Variants in CDH17 observed in about 807,000 individuals in gnomAD.
The protein encoded by CDH17 is cadherin 17, also known as cadherin-17.
CDH17 carries 67 observed loss-of-function variants against 86.3 expected under a neutral mutation model. That is an observed-to-expected ratio of 0.78 (90% CI 0.64 to 0.95). The LOEUF (loss-of-function observed/expected upper bound fraction) is 0.95. CDH17 is among the 40% of genes least tolerant of loss of function. The pLI is 0.00. For missense variants in CDH17, 993 were observed against 1,017.6 expected, an observed-to-expected ratio of 0.98 and a Z score of 0.33; for synonymous variants, 367 against 366.4, an observed-to-expected ratio of 1.00 and a Z score of -0.02.
chr8:94,148,820 A>G lies in CDH17; in HGVS notation c.1851T>C (p.Gly617=). The change falls in exon 14 of 18, where the codon GGT becomes GGC. Residue 617 remains glycine (G), a synonymous_variant. Transcript: ENST00000027335. ...RGWLKIDHVT[G]EIFSVAPLDR... is the part of the protein sequence containing the mutation. ...CCAATGGAGCCACACTAAAGATCTC[A>G]CCAGTCACGTGGTCAATTTTAAGCC... is the stretch of plus-strand genomic sequence containing the variant. The G allele has an allele frequency of 6.2e-7, 1 of 1,606,198 alleles. No homozygotes were observed. The highest frequency in any genetic ancestry group is 8.5e-7 in the Non-Finnish European group (1 of 1,177,952).
At chr8:94,203,000 G>A in intron 1 of CDH17, 1 of 269,108 alleles carries the variant, frequency 3.7e-6, no homozygotes, top group South Asian at 3.9e-5. Context: ...AGCCTTGTTA[G>A]CTTCAGGTTT....
intron 8 of CDH17, 61 bp from the exon 9 acceptor site, chr8:94,170,608 G>A: frequency 6.5e-7 from 1 of 1,546,980 alleles, no homozygotes; most frequent in Non-Finnish European, 8.8e-7. Flanking sequence ...CAAAAGCAGA[G>A]AAAATCGTTG....
At chr8:94,174,921 T>A (rs2514816) in intron 5 of CDH17, among the ~76,000 whole-genome samples, 117,314 of 152,120 alleles carry the variant, frequency 0.77, 46,436 homozygotes, top group African/African-American at 0.92. Context: ...GTGTTATTTT[T>A]AATGAATTAA....
chr8:94,152,661 G>T (rs1200070219), intron 12 of CDH17, among the ~76,000 whole-genome samples: 2 of 150,354 alleles, frequency 1.3e-5, no homozygotes, highest in Non-Finnish European at 3.0e-5. Flanking sequence ...GCCTCCCAAA[G>T]GGCTGGGATT....
chr8:94,154,139 C>T (rs1469547428), intron 12 of CDH17, among the ~76,000 whole-genome samples: 1 of 152,150 alleles, frequency 6.6e-6, no homozygotes, highest in African/African-American at 2.4e-5. Flanking sequence ...TCCTCCTATA[C>T]AATTTTTGTC....
intron 7 of CDH17, among the ~76,000 whole-genome samples, chr8:94,173,254 G>T (rs1354133323): frequency 6.6e-6 from 1 of 152,168 alleles, no homozygotes; most frequent in African/African-American, 2.4e-5. Flanking sequence ...TATTGGAGGT[G>T]AGGCCCAGTG....
chr8:94,137,069 G>A (rs1055380878), intron 15 of CDH17, among the ~76,000 whole-genome samples: 18 of 152,208 alleles, frequency 1.2e-4, no homozygotes, highest in Non-Finnish European at 2.4e-4. Context: ...CTACTGGGAG[G>A]TGTCTCCCAA....
intron 5 of CDH17, 34 bp downstream of exon 5, chr8:94,176,507 C>T (rs1563580368): frequency 6.2e-7 from 1 of 1,610,724 alleles, no homozygotes; most frequent in Non-Finnish European, 8.5e-7. Flanking sequence ...ACCCTTCCAT[C>T]TTTCCATAAA....
chr8:94,141,008 C>T (rs1812626219), intron 15 of CDH17, among the ~76,000 whole-genome samples: 1 of 151,960 alleles, frequency 6.6e-6, no homozygotes, highest in South Asian at 2.1e-4. Flanking sequence ...GGAATGCTTC[C>T]TCATTATACA....
chr8:94,184,928 C>G (rs531227456), intron 3 of CDH17, among the ~76,000 whole-genome samples: 1 of 152,172 alleles, frequency 6.6e-6, no homozygotes, highest in South Asian at 2.1e-4. Flanking sequence ...TTCTTCATGC[C>G]TCTGTAGGTC....
At chr8:94,148,330 T>G (rs1586241399) in intron 14 of CDH17, among the ~76,000 whole-genome samples, 1 of 151,724 alleles carries the variant, frequency 6.6e-6, no homozygotes, top group Non-Finnish European at 1.5e-5. Context: ...TCACCTGAGG[T>G]CGGAAGTTTG....
upstream of CDH17, among the ~76,000 whole-genome samples, chr8:94,212,499 G>GTT (rs34678816): frequency 0.068 from 10,096 of 148,034 alleles, 374 homozygotes; most frequent in South Asian, 0.092. Flanking sequence ...CTGTTGTTGA[G>GTT]TTTTTTTTTT....
At chr8:94,133,486 G>A (rs1812460310) in intron 15 of CDH17, among the ~76,000 whole-genome samples, 1 of 152,174 alleles carries the variant, frequency 6.6e-6, no homozygotes, top group African/African-American at 2.4e-5. Flanking sequence ...AGGAACGCTT[G>A]TAATTTTTGC....
chr8:94,160,857 G>A (rs933167035), intron 11 of CDH17, among the ~76,000 whole-genome samples: 1 of 152,234 alleles, frequency 6.6e-6, no homozygotes, highest in Admixed American at 6.5e-5. Flanking sequence ...AAGGCTTGGA[G>A]AAGTAAAACC....
At chr8:94,185,306 CA>C (rs1813558936) in intron 3 of CDH17, among the ~76,000 whole-genome samples, 2 of 151,776 alleles carry the variant, frequency 1.3e-5, no homozygotes, top group African/African-American at 4.8e-5. Context: ...CACACACACA[CA>C]CACACACCCC....
intron 15 of CDH17, among the ~76,000 whole-genome samples, chr8:94,143,095 GC>G (rs1812670358): frequency 6.6e-6 from 1 of 152,202 alleles, no homozygotes; most frequent in South Asian, 2.1e-4. Context: ...CTATCTAATA[GC>G]AGCTATAACC....
chr8:94,145,731 T>A (rs932438029), intron 15 of CDH17, among the ~76,000 whole-genome samples, 197 bp downstream of exon 15: 1 of 152,164 alleles, frequency 6.6e-6, no homozygotes, highest in Non-Finnish European at 1.5e-5. Context: ...TGCTGTGTGG[T>A]CATAATCTTT....
intron 1 of CDH17, among the ~76,000 whole-genome samples, chr8:94,201,637 TCTG>T (rs766847995): frequency 1.3e-4 from 20 of 152,206 alleles, no homozygotes; most frequent in Non-Finnish European, 2.6e-4. Context: ...ATGGTAAATA[TCTG>T]CTGTTTAAGC....
At chr8:94,186,469 T>C (rs1017664871) in intron 3 of CDH17, among the ~76,000 whole-genome samples, 1 of 152,144 alleles carries the variant, frequency 6.6e-6, no homozygotes, top group Non-Finnish European at 1.5e-5. Flanking sequence ...CTTTCATGTG[T>C]CCTTACATGG....
Sources: gnomAD v4.1 joint callset for allele counts (sites outside exome capture counted in the v4.1 genomes callset) on GRCh38, gnomAD v4.1.1 for gene constraint, MANE v1.5 for transcripts, NCBI Gene and HGNC (gene_info 2026-07-23, HGNC 2026-07-21) for gene names.